Variants in CDH13 observed in about 807,000 individuals in gnomAD.
CDH13 encodes cadherin 13, also known as cadherin-13.
Under a neutral mutation model 63.8 loss-of-function variants are expected in CDH13, and 24 were observed. That is an observed-to-expected ratio of 0.38 (90% CI 0.27 to 0.53). The LOEUF (loss-of-function observed/expected upper bound fraction) is 0.53, where lower values mean the gene tolerates loss of function less well. Ranked by LOEUF, CDH13 falls within the 20% of genes least tolerant of loss-of-function variation. The pLI, the probability that CDH13 is intolerant of heterozygous loss-of-function variation, is 0.85. For missense variants in CDH13, 1,049 were observed against 903.1 expected (o/e 1.16, Z -2.07); for synonymous variants, 503 against 355.3 (o/e 1.42, Z -4.67).
At chr16:82,736,380 A>T (rs1452414534) in intron 1 of CDH13, among the ~76,000 whole-genome samples, 1 of 152,190 alleles carries the variant, frequency 6.6e-6, no homozygotes, top group East Asian at 1.9e-4. Context: ...ACACGGTGCC[A>T]CTCATTAATT....
At chr16:83,433,841 A>G (rs1193536078) in intron 6 of CDH13, among the ~76,000 whole-genome samples, 1 of 152,182 alleles carries the variant, frequency 6.6e-6, no homozygotes, top group Non-Finnish European at 1.5e-5. Flanking sequence ...TGGTATTGGT[A>G]GTAGTTGGTA....
chr16:83,301,751 T>C (rs1012190759), intron 5 of CDH13, among the ~76,000 whole-genome samples: 3 of 152,182 alleles, frequency 2.0e-5, no homozygotes, highest in Non-Finnish European at 2.9e-5. Flanking sequence ...CCTTCTTTGA[T>C]GTTCAAAAAT....
chr16:82,865,719 G>T (rs946648314), intron 2 of CDH13, among the ~76,000 whole-genome samples: 3 of 152,184 alleles, frequency 2.0e-5, no homozygotes, highest in African/African-American at 7.2e-5. Flanking sequence ...CACCAGCCCT[G>T]TTACACCATT....
chr16:83,424,890 G>A (rs565280543), intron 6 of CDH13, among the ~76,000 whole-genome samples: 1 of 152,150 alleles, frequency 6.6e-6, no homozygotes, highest in Non-Finnish European at 1.5e-5. Context: ...CACAGACAAA[G>A]ATTTACACAC....
At chr16:83,142,786 A>G (rs1363113220) in intron 4 of CDH13, among the ~76,000 whole-genome samples, 1 of 152,154 alleles carries the variant, frequency 6.6e-6, no homozygotes, top group Non-Finnish European at 1.5e-5. Context: ...GGCCAACTCC[A>G]GTGGTCTCTC....
intron 3 of CDH13, among the ~76,000 whole-genome samples, chr16:83,064,814 T>G (rs931339173): frequency 1.3e-5 from 2 of 152,240 alleles, no homozygotes; most frequent in Non-Finnish European, 2.9e-5. Flanking sequence ...TAAATCAAGC[T>G]AATTAACATG....
At chr16:83,303,866 C>G (rs984800745) in intron 5 of CDH13, among the ~76,000 whole-genome samples, 1 of 152,178 alleles carries the variant, frequency 6.6e-6, no homozygotes, top group African/African-American at 2.4e-5. Context: ...ATTCTCATGA[C>G]AGGCTTAGTG....
chr16:83,655,214 G>A (rs1912762368), intron 8 of CDH13: 1 of 152,206 alleles, frequency 6.6e-6, no homozygotes, highest in African/African-American at 2.4e-5. Context: ...GATCCTTCCA[G>A]CCTGGCCTTT....
intron 2 of CDH13, among the ~76,000 whole-genome samples, chr16:82,987,052 C>T (rs1032206829): frequency 6.6e-6 from 1 of 152,148 alleles, no homozygotes; most frequent in Non-Finnish European, 1.5e-5. Flanking sequence ...GAAGGTGCCT[C>T]ACACAAAATG....
intron 5 of CDH13, among the ~76,000 whole-genome samples, chr16:83,230,161 C>G (rs907015544): frequency 1.3e-5 from 2 of 152,282 alleles, no homozygotes; most frequent in South Asian, 2.1e-4. Context: ...AATGCATTTT[C>G]TATTCCTTTC....
At chr16:82,933,624 C>G (rs1054174363) in intron 2 of CDH13, among the ~76,000 whole-genome samples, 2 of 152,164 alleles carry the variant, frequency 1.3e-5, no homozygotes, top group African/African-American at 4.8e-5. Flanking sequence ...AGTCCATAGT[C>G]TGATTTGAGA....
intron 13 of CDH13, among the ~76,000 whole-genome samples, chr16:83,791,242 A>G (rs1916243961): frequency 6.6e-6 from 1 of 152,216 alleles, no homozygotes; most frequent in Non-Finnish European, 1.5e-5. Context: ...CACGTCTGTA[A>G]TCCCAACACT....
chr16:83,428,226 C>T (rs186664657), intron 6 of CDH13, among the ~76,000 whole-genome samples: 2 of 152,036 alleles, frequency 1.3e-5, no homozygotes, highest in Non-Finnish European at 2.9e-5. Context: ...TCCATGGGAT[C>T]CAAGAGGGAT....
At chr16:82,880,872 C>G (rs2040679521) in intron 2 of CDH13, among the ~76,000 whole-genome samples, 1 of 152,116 alleles carries the variant, frequency 6.6e-6, no homozygotes, top group Non-Finnish European at 1.5e-5. Context: ...TACTGAGAAC[C>G]TCAGTGTTAC....
intron 3 of CDH13, among the ~76,000 whole-genome samples, chr16:83,066,639 T>C (rs996063461): frequency 2.4e-4 from 36 of 152,300 alleles, no homozygotes; most frequent in African/African-American, 7.9e-4. Context: ...ATAAAGCCAA[T>C]CTATTAATTT....
chr16:83,366,282 G>A (rs926335873), intron 6 of CDH13, among the ~76,000 whole-genome samples: 5 of 152,228 alleles, frequency 3.3e-5, no homozygotes, highest in South Asian at 4.2e-4. Context: ...AAACAGCAAC[G>A]GAAGCAATCT....
At chr16:83,251,170 T>A (rs1905482652) in intron 5 of CDH13, among the ~76,000 whole-genome samples, 1 of 152,138 alleles carries the variant, frequency 6.6e-6, no homozygotes, top group Non-Finnish European at 1.5e-5. Flanking sequence ...ATTTGTAAGA[T>A]ATTGCCATTG....
intron 1 of CDH13, among the ~76,000 whole-genome samples, chr16:82,691,620 G>T (rs973229067): frequency 2.8e-4 from 42 of 152,102 alleles, no homozygotes; most frequent in African/African-American, 9.9e-4. Flanking sequence ...CCACTCTGGG[G>T]AAAGGCAAGC....
chr16:83,435,742 G>A (rs1446428605), intron 6 of CDH13, among the ~76,000 whole-genome samples: 2 of 152,078 alleles, frequency 1.3e-5, no homozygotes, highest in African/African-American at 4.8e-5. Flanking sequence ...GTGTCCCTAG[G>A]AGAGGCCAAG....
Sources: gnomAD v4.1 joint callset for allele counts (sites outside exome capture counted in the v4.1 genomes callset) on GRCh38, gnomAD v4.1.1 for gene constraint, MANE v1.5 for transcripts, NCBI Gene and HGNC (gene_info 2026-07-23, HGNC 2026-07-21) for gene names.